Variants in TWSG1 observed in about 807,000 individuals in gnomAD.
TWSG1 encodes twisted gastrulation BMP signaling modulator 1, also known as twisted gastrulation protein homolog 1.
In TWSG1, 15 loss-of-function variants were observed where a neutral mutation model predicts 23.0. The observed-to-expected ratio is 0.65, with a 90% CI of 0.44 to 1.00. TWSG1 has a LOEUF of 1.00. Ranked by LOEUF, TWSG1 falls within the 50% of genes least tolerant of loss-of-function variation. The pLI is 0.00. For synonymous variants in TWSG1, 86 were observed against 92.8 expected (o/e 0.93, Z 0.42); for missense variants, 242 against 278.7 (o/e 0.87, Z 0.94).
At chr18:9,382,218 C>G (rs1214683466) in intron 3 of TWSG1, among the ~76,000 whole-genome samples, 2 of 150,302 alleles carry the variant, frequency 1.3e-5, no homozygotes, top group Non-Finnish European at 2.9e-5. Flanking sequence ...CAAGAGGAGG[C>G]TGGGCGAGGA....
Position 9,360,022 on chromosome 18 carries a change from G to A in TWSG1, c.174G>A (p.Glu58=). The A allele has an allele frequency of 1.2e-6, 2 of 1,613,760 alleles. No homozygotes were observed. The highest frequency in any genetic ancestry group is 1.1e-5 in the South Asian group (1 of 91,052). Reference sequence around the variant, plus strand: ...AAGGCAATTGCTCCTGCTGTAAGGAGTGCATGCTGTGTCTTGGGGCCCTTT... The same window carrying A: ...AAGGCAATTGCTCCTGCTGTAAGGAATGCATGCTGTGTCTTGGGGCCCTTT... ...PGEGNCSCCK[E]CMLCLGALWD... is the part of the protein sequence containing the mutation. Residue 58 remains glutamate, a synonymous_variant, in exon 3 of 5, where the codon GAG becomes GAA. Transcript: ENST00000262120.
chr18:9,360,052 C>G lies in TWSG1; in HGVS notation c.204C>G (p.Asp68Glu). ...ECMLCLGALWDECCDCVGMCN... is the reference protein window; with the variant it reads ...ECMLCLGALWEECCDCVGMCN... Reference sequence around the variant, plus strand: ...TGCTGTGTCTTGGGGCCCTTTGGGACGAGTGCTGTGACTGTGTTGGTAAGT... The same window carrying G: ...TGCTGTGTCTTGGGGCCCTTTGGGAGGAGTGCTGTGACTGTGTTGGTAAGT... The change falls in exon 3 of 5, where the codon GAC becomes GAG. Residue 68 changes from aspartate (D) to glutamate (E), a missense_variant. By Grantham distance (45) the Asp-to-Glu change is conservative. Coordinates refer to ENST00000262120, the MANE Select transcript of TWSG1 (RefSeq NM_020648.6). 6.2e-7 allele frequency: 1 copy of G among 1,613,130 alleles called. No individual in the cohort carries two copies. Among genetic ancestry groups the G allele is most frequent in the Non-Finnish European group, 8.5e-7 (1 of 1,179,376 alleles).
At chr18:9,366,233 GC>G (rs2040578114) in intron 3 of TWSG1, among the ~76,000 whole-genome samples, 1 of 152,192 alleles carries the variant, frequency 6.6e-6, no homozygotes, top group Non-Finnish European at 1.5e-5. Context: ...AGGCTGTGAA[GC>G]CTGCTGAAAA....
intron 2 of TWSG1, among the ~76,000 whole-genome samples, chr18:9,349,342 T>G (rs2040491187): frequency 6.6e-6 from 1 of 152,206 alleles, no homozygotes; most frequent in South Asian, 2.1e-4. Context: ...TTATGATAGT[T>G]TTTAGGATGA....
chr18:9,357,639 T>C (rs2040532946), intron 2 of TWSG1, among the ~76,000 whole-genome samples: 1 of 152,208 alleles, frequency 6.6e-6, no homozygotes, highest in Non-Finnish European at 1.5e-5. Flanking sequence ...TTCCATTAGG[T>C]CTCAGATTTT....
At chr18:9,372,695 A>C (rs2040611504) in intron 3 of TWSG1, among the ~76,000 whole-genome samples, 1 of 151,866 alleles carries the variant, frequency 6.6e-6, no homozygotes, top group African/African-American at 2.4e-5. Flanking sequence ...GGTTTATTCA[A>C]ATGTGAACTT....
At chr18:9,379,891 T>C (rs2040648360) in intron 3 of TWSG1, among the ~76,000 whole-genome samples, 2 of 152,204 alleles carry the variant, frequency 1.3e-5, no homozygotes, top group African/African-American at 2.4e-5. Flanking sequence ...AAACATGGTA[T>C]CACTTTGTTT....
At chr18:9,336,075 G>T (rs1035486649) in intron 1 of TWSG1, among the ~76,000 whole-genome samples, 10 of 152,086 alleles carry the variant, frequency 6.6e-5, no homozygotes, top group African/African-American at 2.4e-4. Flanking sequence ...TAACTTTGAA[G>T]AATGTGTGGT....
chr18:9,391,488 A>G (rs193279215), intron 3 of TWSG1, among the ~76,000 whole-genome samples: 3 of 152,350 alleles, frequency 2.0e-5, no homozygotes, highest in East Asian at 1.9e-4. Flanking sequence ...GAGGAATCAT[A>G]TCTATGGCAG....
intron 2 of TWSG1, among the ~76,000 whole-genome samples, chr18:9,357,162 T>G (rs984777187): frequency 6.6e-6 from 1 of 152,178 alleles, no homozygotes; most frequent in African/African-American, 2.4e-5. Context: ...ACAGCTATAC[T>G]TCTCATTAAG....
intron 3 of TWSG1, among the ~76,000 whole-genome samples, chr18:9,379,126 G>T (rs1293098676): frequency 1.3e-5 from 2 of 152,060 alleles, no homozygotes; most frequent in African/African-American, 2.4e-5. Flanking sequence ...ATTCCTCAAA[G>T]AACTAAAAAT....
chr18:9,374,673 C>T (rs1182562658), intron 3 of TWSG1, among the ~76,000 whole-genome samples: 1 of 152,192 alleles, frequency 6.6e-6, no homozygotes, highest in African/African-American at 2.4e-5. Context: ...CCAACTCATT[C>T]TGTGAGGTTA....
chr18:9,388,307 G>A (rs1440146014), intron 3 of TWSG1: 1 of 152,208 alleles, frequency 6.6e-6, no homozygotes, highest in Admixed American at 6.5e-5. Context: ...TCAAAGAAAA[G>A]TTCACTTTAT....
At chr18:9,347,186 T>G (rs2040481241) in intron 2 of TWSG1, among the ~76,000 whole-genome samples, 1 of 152,216 alleles carries the variant, frequency 6.6e-6, no homozygotes, top group African/African-American at 2.4e-5. Flanking sequence ...ACTTTTTTTA[T>G]TGTTGAGGTC....
chr18:9,360,949 C>T (rs544992741), intron 3 of TWSG1, among the ~76,000 whole-genome samples: 2 of 152,304 alleles, frequency 1.3e-5, no homozygotes, highest in South Asian at 4.2e-4. Flanking sequence ...TTGACTTCCT[C>T]TTATGGTAGA....
chr18:9,363,369 T>C (rs1404177507), intron 3 of TWSG1, among the ~76,000 whole-genome samples: 1 of 152,040 alleles, frequency 6.6e-6, no homozygotes, highest in East Asian at 1.9e-4. Flanking sequence ...TGCACAAAAA[T>C]AGAGAGTACA....
At chr18:9,382,758 G>C (rs2040663529) in intron 3 of TWSG1, among the ~76,000 whole-genome samples, 1 of 147,514 alleles carries the variant, frequency 6.8e-6, no homozygotes, top group South Asian at 2.2e-4. Context: ...AGTGAGCTGA[G>C]ATCATGTGAC....
intron 2 of TWSG1, among the ~76,000 whole-genome samples, chr18:9,342,039 T>C (rs1008478197): frequency 2.6e-5 from 4 of 152,238 alleles, no homozygotes; most frequent in Non-Finnish European, 5.9e-5. Flanking sequence ...TTTGGAATTC[T>C]GATGGGCTGC....
At position 9,337,309 on chromosome 18, in the gene TWSG1, A is replaced by T. The variant is rs768763343; in HGVS notation, c.80A>T (p.Asn27Ile). ...LTWLPESLSC[N>I]KALCASDVSK... ...TGGCTTCCAGAATCACTGAGCTGTA[A>T]CAAAGCACTCTGTGCTAGTGATGTG... Residue 27 changes from asparagine (N) to isoleucine (I), a missense_variant, in exon 2 of 5, where the codon AAC (asparagine) becomes ATC (isoleucine). Transcript: ENST00000262120. 6.2e-7 allele frequency: 1 copy of T among 1,613,684 alleles called. No homozygotes were observed. Among genetic ancestry groups the T allele is most frequent in the Non-Finnish European group, 8.5e-7 (1 of 1,179,960 alleles).
Sources: gnomAD v4.1 joint callset for allele counts (sites outside exome capture counted in the v4.1 genomes callset) on GRCh38, gnomAD v4.1.1 for gene constraint, MANE v1.5 for transcripts, NCBI Gene and HGNC (gene_info 2026-07-23, HGNC 2026-07-21) for gene names.